Variants in MTAP observed in about 807,000 individuals in gnomAD.
The protein encoded by MTAP is S-methyl-5'-thioadenosine phosphorylase.
In MTAP, 33 loss-of-function variants were observed where a neutral mutation model predicts 33.6. The observed-to-expected ratio is 0.98, with a 90% CI of 0.74 to 1.31. The LOEUF (loss-of-function observed/expected upper bound fraction) is 1.31. Among genes scored for constraint, MTAP ranks in the 40% most tolerant of loss-of-function variants. The pLI is 0.00. For missense variants in MTAP, 367 were observed against 360.0 expected (o/e 1.02, Z -0.16); for synonymous variants, 148 against 125.7 (o/e 1.18, Z -1.19).
At chr9:21,807,646 A>C (rs1824242477) in intron 1 of MTAP, among the ~76,000 whole-genome samples, 1 of 152,196 alleles carries the variant, frequency 6.6e-6, no homozygotes, top group East Asian at 1.9e-4. Flanking sequence ...CATTTAGTTG[A>C]GGACCCCAAG....
At chr9:21,868,451 A>C (rs1825888051), downstream of MTAP, among the ~76,000 whole-genome samples, 1 of 152,200 alleles carries the variant, frequency 6.6e-6, no homozygotes, top group Non-Finnish European at 1.5e-5. Flanking sequence ...AAAGCCTTCA[A>C]TGAGAACTTT....
At chr9:21,879,916 G>C (rs945799226) in intron 1 of MTAP, among the ~76,000 whole-genome samples, 1 of 152,008 alleles carries the variant, frequency 6.6e-6, no homozygotes, top group Non-Finnish European at 1.5e-5. Flanking sequence ...TTAACCTGAT[G>C]GGGCTCCTTT....
chr9:21,929,355 T>C (rs929510740), intron 1 of MTAP: 1 of 157,742 alleles, frequency 6.3e-6, no homozygotes, highest in Admixed American at 6.4e-5. Context: ...TTGTTATGAT[T>C]ATTATCACTA....
chr9:21,861,350 T>TACAC (rs899389036), intron 7 of MTAP: 1 of 152,368 alleles, frequency 6.6e-6, no homozygotes, highest in Non-Finnish European at 1.5e-5. Flanking sequence ...TACATACATA[T>TACAC]ACACACACAC....
intron 1 of MTAP, among the ~76,000 whole-genome samples, chr9:21,921,647 A>G (rs947357049): frequency 6.6e-6 from 1 of 152,182 alleles, no homozygotes; most frequent in African/African-American, 2.4e-5. Context: ...GAGCCTTACA[A>G]GAGACTCAAT....
intron 5 of MTAP, among the ~76,000 whole-genome samples, chr9:21,845,030 C>CAA (rs35813212): frequency 0.011 from 1,300 of 121,500 alleles, 16 homozygotes; most frequent in African/African-American, 0.027. Flanking sequence ...GACTCCGTCT[C>CAA]AAAAAAAAAA....
At position 21,881,184 on chromosome 9, in the gene MTAP, A is replaced by G. The variant is rs541715827; in HGVS notation, c.147+26314A>G. 2.0e-5 allele frequency among the ~76,000 whole-genome samples: 3 copies of G among 152,200 alleles called. No individual in the cohort carries two copies. In the East Asian group the frequency reaches 5.8e-4, roughly 29 times the overall value. ...AAAGACAGTTTCTTTAACAAATGCT[A>G]TTGTGAAAACTGGATATGCAAATGC... is the stretch of plus-strand genomic sequence containing the variant. On this transcript the variant is annotated intron_variant, in intron 1 of 1. Transcript: ENST00000577563.
downstream of MTAP, among the ~76,000 whole-genome samples, chr9:21,940,450 C>T (rs754215983): frequency 6.6e-6 from 1 of 152,100 alleles, no homozygotes; most frequent in Non-Finnish European, 1.5e-5. Flanking sequence ...CTATAGCACA[C>T]CCATTGTTAG....
chr9:21,832,771 A>G (rs375647504), intron 4 of MTAP, among the ~76,000 whole-genome samples: 12 of 152,278 alleles, frequency 7.9e-5, no homozygotes, highest in African/African-American at 2.6e-4. Context: ...AGGTGTCACA[A>G]TCAGTTAATC....
chr9:21,874,184 CCT>C (rs1253854466), intron 1 of MTAP, among the ~76,000 whole-genome samples: 4 of 152,094 alleles, frequency 2.6e-5, no homozygotes, highest in African/African-American at 9.7e-5. Flanking sequence ...ATAATGAACC[CCT>C]GTCTGCCACC....
chr9:21,838,610 G>C (rs770016075), intron 5 of MTAP, among the ~76,000 whole-genome samples: 1 of 152,208 alleles, frequency 6.6e-6, no homozygotes, highest in Non-Finnish European at 1.5e-5. Context: ...ACCTGAGTTT[G>C]GCCATTACTG....
intron 1 of MTAP, among the ~76,000 whole-genome samples, chr9:21,920,200 G>A (rs1818764680): frequency 6.6e-6 from 1 of 152,046 alleles, no homozygotes; most frequent in Non-Finnish European, 1.5e-5. Flanking sequence ...CTTTTAGAAA[G>A]GAGGGAGTAT....
chr9:21,834,060 A>G (rs1052624832), intron 4 of MTAP, among the ~76,000 whole-genome samples: 1 of 152,080 alleles, frequency 6.6e-6, no homozygotes, highest in African/African-American at 2.4e-5. Flanking sequence ...AACCTTAAGC[A>G]ATTTGTTGGA....
At chr9:21,860,576 A>G (rs796797575) in intron 7 of MTAP, 11 of 152,362 alleles carry the variant, frequency 7.2e-5, no homozygotes, top group African/African-American at 2.4e-4. Context: ...ATCATAATAT[A>G]TAGAGATGCA....
intron 1 of MTAP, among the ~76,000 whole-genome samples, chr9:21,883,860 C>G (rs7858737): frequency 0.039 from 5,961 of 152,014 alleles, 328 homozygotes; most frequent in African/African-American, 0.11. Context: ...CCCATACACA[C>G]TAGCCCGCAC....
chr9:21,805,578 G>A (rs539111358), intron 1 of MTAP, among the ~76,000 whole-genome samples: 8 of 152,286 alleles, frequency 5.3e-5, no homozygotes, highest in African/African-American at 1.7e-4. Flanking sequence ...AAACCTAATC[G>A]CCAATGTGAT....
chr9:21,907,928 T>C (rs183761702), intron 1 of MTAP, among the ~76,000 whole-genome samples: 71 of 152,248 alleles, frequency 4.7e-4, no homozygotes, highest in African/African-American at 1.7e-3. Context: ...AATGGTAACA[T>C]CTTTAGTACC....
chr9:21,909,579 G>A (rs1818534692), intron 1 of MTAP, among the ~76,000 whole-genome samples: 2 of 152,100 alleles, frequency 1.3e-5, no homozygotes, highest in Non-Finnish European at 2.9e-5. Flanking sequence ...GTGGTGTTAT[G>A]AATTTGTTGT....
intron 5 of MTAP, among the ~76,000 whole-genome samples, 174 bp downstream of exon 5, chr9:21,838,184 TG>T (rs1825156909): frequency 6.6e-6 from 1 of 152,248 alleles, no homozygotes; most frequent in African/African-American, 2.4e-5. Flanking sequence ...CCTGTTCCTC[TG>T]TTACTCTCAG....
Sources: allele counts gnomAD v4.1 joint callset (sites outside exome capture counted in the v4.1 genomes callset), GRCh38; gene constraint gnomAD v4.1.1; transcripts MANE v1.5; gene names NCBI Gene and HGNC (gene_info 2026-07-23, HGNC 2026-07-21).